TMTC2: variants seen among roughly 807,000 people sequenced by gnomAD.
TMTC2 encodes the protein protein O-mannosyl-transferase TMTC2.
Under a neutral mutation model 82.4 loss-of-function variants are expected in TMTC2, and 43 were observed. That is an observed-to-expected ratio of 0.52 (90% CI 0.41 to 0.67). The LOEUF is 0.67. TMTC2 is among the 30% of genes least tolerant of loss of function. TMTC2 has a pLI of 0.00. For missense variants in TMTC2, 919 were observed against 1,012.4 expected (o/e 0.91, Z 1.25); for synonymous variants, 408 against 381.9 (o/e 1.07, Z -0.80).
At chr12:82,687,870 C>A (rs529340012) in intron 1 of TMTC2, among the ~76,000 whole-genome samples, 31 of 152,268 alleles carry the variant, frequency 2.0e-4, no homozygotes, top group African/African-American at 6.7e-4. Flanking sequence ...AGTTTCCGCT[C>A]CTAGTTTGCA....
At chr12:82,996,369 T>A (rs1879617534) in intron 8 of TMTC2, among the ~76,000 whole-genome samples, 1 of 152,232 alleles carries the variant, frequency 6.6e-6, no homozygotes, top group African/African-American at 2.4e-5. Context: ...ACTGGTAGAA[T>A]GTTGGATTGA....
At chr12:82,828,437 C>T (rs1244803454) in intron 1 of TMTC2, among the ~76,000 whole-genome samples, 6 of 151,964 alleles carry the variant, frequency 3.9e-5, no homozygotes, top group East Asian at 1.9e-4. Context: ...TGGCCTCAAG[C>T]GATCTGCCCA....
intron 4 of TMTC2, 66 bp from the exon 5 acceptor site, chr12:82,964,958 T>C (rs553424882): frequency 1.9e-6 from 2 of 1,069,746 alleles, no homozygotes; most frequent in South Asian, 3.3e-5. Context: ...GAATATAAAA[T>C]AAAAATTTGT....
intron 1 of TMTC2, among the ~76,000 whole-genome samples, chr12:82,694,611 T>A (rs796899021): frequency 5.3e-5 from 8 of 152,330 alleles, no homozygotes; most frequent in African/African-American, 1.9e-4. Context: ...TCAAGATGAC[T>A]GGCTAAATTA....
chr12:82,803,771 G>A (rs1313288494), intron 1 of TMTC2, among the ~76,000 whole-genome samples: 4 of 152,002 alleles, frequency 2.6e-5, no homozygotes, highest in East Asian at 1.9e-4. Flanking sequence ...GCAAGACACC[G>A]GAAGTAATAC....
intron 11 of TMTC2, among the ~76,000 whole-genome samples, chr12:83,092,273 A>G (rs1387204159): frequency 1.3e-5 from 2 of 152,232 alleles, no homozygotes; most frequent in South Asian, 2.1e-4. Flanking sequence ...CCAGCCTCAC[A>G]TAGAGCTTAA....
At chr12:82,767,288 G>A (rs923483311) in intron 1 of TMTC2, among the ~76,000 whole-genome samples, 1 of 152,156 alleles carries the variant, frequency 6.6e-6, no homozygotes, top group Admixed American at 6.5e-5. Context: ...ACACTTTAAA[G>A]TTGAACTAGG....
At chr12:82,830,284 A>T (rs1869676756) in intron 1 of TMTC2, among the ~76,000 whole-genome samples, 1 of 152,026 alleles carries the variant, frequency 6.6e-6, no homozygotes, top group African/African-American at 2.4e-5. Flanking sequence ...TCTGCCCAGC[A>T]TAGTAGCCCT....
At chr12:82,964,851 A>G (rs886258523) in intron 4 of TMTC2, among the ~76,000 whole-genome samples, 173 bp from the exon 5 acceptor site, 2 of 152,112 alleles carry the variant, frequency 1.3e-5, no homozygotes, top group African/African-American at 4.8e-5. Context: ...CCTATCCAGT[A>G]TTTTCCCTCC....
chr12:83,068,076 A>G (rs11832231), intron 11 of TMTC2, among the ~76,000 whole-genome samples: 8,959 of 152,168 alleles, frequency 0.059, 306 homozygotes, highest in Middle Eastern at 0.082. Flanking sequence ...AGAAACATGG[A>G]AAGAGAAGAA....
intron 11 of TMTC2, among the ~76,000 whole-genome samples, chr12:83,077,401 G>A (rs1565879729): frequency 6.6e-6 from 1 of 151,960 alleles, no homozygotes. Context: ...TTGTCCTATC[G>A]TATTTCTCTA....
chr12:83,070,415 G>A (rs1883068017), intron 11 of TMTC2, among the ~76,000 whole-genome samples: 2 of 151,562 alleles, frequency 1.3e-5, no homozygotes, highest in South Asian at 4.1e-4. Flanking sequence ...TTGGTTAGAT[G>A]TATTCCTAAG....
intron 4 of TMTC2, among the ~76,000 whole-genome samples, chr12:82,941,295 GAC>G (rs1876705293): frequency 6.6e-6 from 1 of 152,112 alleles, no homozygotes; most frequent in Non-Finnish European, 1.5e-5. Flanking sequence ...ATAGGCACAT[GAC>G]ACCACACCTG....
intron 10 of TMTC2, among the ~76,000 whole-genome samples, chr12:83,059,449 C>G (rs11115564): frequency 0.3 from 46,194 of 151,458 alleles, 7,179 homozygotes; most frequent in East Asian, 0.47. Context: ...TTTCCATGTT[C>G]TGCCATAAAC....
chr12:82,823,792 G>T (rs1869248999), intron 1 of TMTC2, among the ~76,000 whole-genome samples: 1 of 151,664 alleles, frequency 6.6e-6, no homozygotes, highest in South Asian at 2.1e-4. Context: ...AATCTCTTCT[G>T]TACTTCTCTC....
intron 7 of TMTC2, among the ~76,000 whole-genome samples, chr12:82,977,216 T>G (rs1417399242): frequency 6.6e-6 from 1 of 151,936 alleles, no homozygotes; most frequent in Non-Finnish European, 1.5e-5. Context: ...GATTTTAATT[T>G]AATAGCAATA....
intron 1 of TMTC2, among the ~76,000 whole-genome samples, chr12:82,692,113 A>G (rs970071275): frequency 1.4e-4 from 22 of 152,192 alleles, no homozygotes; most frequent in African/African-American, 5.1e-4. Context: ...CTGTCACATG[A>G]TGTTTATCAT....
chr12:83,062,465 A>G (rs1002518321), intron 11 of TMTC2, among the ~76,000 whole-genome samples: 1 of 151,788 alleles, frequency 6.6e-6, no homozygotes, highest in Non-Finnish European at 1.5e-5. Flanking sequence ...CTGAACTCCA[A>G]CACATTGCTT....
intron 2 of TMTC2, among the ~76,000 whole-genome samples, chr12:82,880,684 A>G (rs1482362458): frequency 6.6e-6 from 1 of 152,204 alleles, no homozygotes; most frequent in Admixed American, 6.5e-5. Context: ...AAAATGATCG[A>G]CAGTTCAGTT....
Sources: allele counts gnomAD v4.1 joint callset (sites outside exome capture counted in the v4.1 genomes callset), GRCh38; gene constraint gnomAD v4.1.1; transcripts MANE v1.5; gene names NCBI Gene and HGNC (gene_info 2026-07-23, HGNC 2026-07-21).